Variants in LOC122526780 observed in about 807,000 individuals in gnomAD.
chr17:6,639,791 T>G, the LOC122526780 span: 1 of 152,658 alleles, frequency 6.6e-6, no homozygotes, highest in Non-Finnish European at 1.5e-5. This position sits in a 1 kb window ranked among gnomAD's most constrained non-coding sequence, Gnocchi z 4.3. Context: ...GCGGCCCTCA[T>G]AGCCTGCACC....
the LOC122526780 span, chr17:6,639,059 C>T: frequency 5.9e-5 from 9 of 153,154 alleles, no homozygotes; most frequent in African/African-American, 1.7e-4. This position sits in a 1 kb window ranked among gnomAD's most constrained non-coding sequence, Gnocchi z 4.3. Flanking sequence ...TCTTCAGCAG[C>T]ACAGGGCACC....
the LOC122526780 span, chr17:6,638,682 G>C: frequency 6.5e-6 from 1 of 152,976 alleles, no homozygotes; most frequent in East Asian, 1.9e-4. Context: ...GCACTGCCTC[G>C]GCTGGGGGCC....
the LOC122526780 span, chr17:6,638,592 A>G: frequency 6.5e-6 from 1 of 153,238 alleles, no homozygotes; most frequent in Non-Finnish European, 1.4e-5. Flanking sequence ...GAGGCCCCAG[A>G]CTCTCTGGCT....
At chr17:6,639,051 T>C in the LOC122526780 span, 2 of 152,822 alleles carry the variant, frequency 1.3e-5, no homozygotes, top group Non-Finnish European at 2.9e-5. The surrounding 1 kb of genome is among the most constrained non-coding windows in gnomAD (Gnocchi z 4.3). Context: ...TAGTTTCCTC[T>C]TCAGCAGCAC....
the LOC122526780 span, chr17:6,639,272 T>A: frequency 6.6e-6 from 1 of 151,568 alleles, no homozygotes; most frequent in Non-Finnish European, 1.5e-5. This position sits in a 1 kb window ranked among gnomAD's most constrained non-coding sequence, Gnocchi z 4.3. Flanking sequence ...GCCCCAGGAA[T>A]CTGCGGGGAC....
chr17:6,637,777 G>A, the LOC122526780 span: 1 of 152,312 alleles, frequency 6.6e-6, no homozygotes, highest in East Asian at 1.9e-4. Context: ...CCACAATTCT[G>A]AGCCAGTTTC....
the LOC122526780 span, chr17:6,640,005 TG>T: frequency 6.5e-6 from 1 of 152,810 alleles, no homozygotes; most frequent in Non-Finnish European, 1.5e-5. Flanking sequence ...CGATGGAGCC[TG>T]GGGTCCCAGG....
At chr17:6,636,788 A>T in the LOC122526780 span, 1 of 151,732 alleles carries the variant, frequency 6.6e-6, no homozygotes, top group Non-Finnish European at 1.5e-5. Flanking sequence ...CACTACTGGA[A>T]CGCCCCCCTC....
the LOC122526780 span, chr17:6,639,511 G>T: frequency 3.3e-4 from 50 of 152,966 alleles, 2 homozygotes; most frequent in Admixed American, 1.0e-3. This position sits in a 1 kb window ranked among gnomAD's most constrained non-coding sequence, Gnocchi z 4.3. Flanking sequence ...TGACGCCAAA[G>T]CCCCAGGCAC....
the LOC122526780 span, chr17:6,638,851 G>C: frequency 6.5e-6 from 1 of 152,902 alleles, no homozygotes; most frequent in Middle Eastern, 3.3e-3. Flanking sequence ...CTTCCCCAAG[G>C]CCCTGGGTAC....
chr17:6,638,829 A>G, the LOC122526780 span: 1 of 151,958 alleles, frequency 6.6e-6, no homozygotes. Context: ...GGACACTCAC[A>G]CAGCCCGTGT....
chr17:6,640,276 C>T, the LOC122526780 span: 2 of 152,820 alleles, frequency 1.3e-5, no homozygotes, highest in Admixed American at 1.3e-4. Context: ...CTCTCCCCGG[C>T]GCAGCCTGGG....
At chr17:6,637,294 G>A in the LOC122526780 span, 1 of 152,218 alleles carries the variant, frequency 6.6e-6, no homozygotes, top group Non-Finnish European at 1.5e-5. Context: ...CCCGGCCTCG[G>A]GAATGGCTCC....
chr17:6,637,637 C>T, the LOC122526780 span: 1 of 152,580 alleles, frequency 6.6e-6, no homozygotes, highest in Non-Finnish European at 1.5e-5. Flanking sequence ...TGTCTGCCTC[C>T]CAACAAACCT....
chr17:6,638,001 T>C, the LOC122526780 span: 1 of 152,388 alleles, frequency 6.6e-6, no homozygotes. Context: ...GTCCCCAGGG[T>C]CTTGGGATAC....
the LOC122526780 span, chr17:6,639,868 C>T: frequency 2.0e-5 from 3 of 153,024 alleles, no homozygotes; most frequent in African/African-American, 4.8e-5. This position sits in a 1 kb window ranked among gnomAD's most constrained non-coding sequence, Gnocchi z 4.3. Flanking sequence ...CTCGCAGCCC[C>T]GGGGACTTCT....
chr17:6,637,483 G>A, the LOC122526780 span: 1 of 152,630 alleles, frequency 6.6e-6, no homozygotes, highest in African/African-American at 2.4e-5. Flanking sequence ...GGGAGCTGTG[G>A]GCACTCCCAC....
At chr17:6,637,314 C>G in the LOC122526780 span, 7 of 152,314 alleles carry the variant, frequency 4.6e-5, no homozygotes, top group Admixed American at 4.6e-4. Context: ...CACCGTGTCT[C>G]CTTCTCCACA....
chr17:6,637,204 G>C, the LOC122526780 span: 3 of 152,576 alleles, frequency 2.0e-5, no homozygotes, highest in Middle Eastern at 3.4e-3. Flanking sequence ...TGAGGACCCA[G>C]TCACCCACAC....
Sources: gnomAD v4.1 joint callset for allele counts on GRCh38, gnomAD v4.1.1 for gene constraint, Gnocchi (gnomAD v3.1) non-coding constraint, MANE v1.5 for transcripts.